Variants in CBR4 observed in about 807,000 individuals in gnomAD.
CBR4 encodes the protein carbonyl reductase 4, also known as 3-oxoacyl-[acyl-carrier-protein] reductase.
CBR4 carries 22 observed loss-of-function variants against 21.0 expected under a neutral mutation model. The observed-to-expected ratio is 1.05, with a 90% CI of 0.75 to 1.50. CBR4 has a LOEUF of 1.50. Among genes scored for constraint, CBR4 ranks in the 40% most tolerant of loss-of-function variants. The probability of loss-of-function intolerance (pLI) is 0.00; values close to 1 mark genes in which losing one functional copy is unlikely to be tolerated. For missense variants in CBR4, 302 were observed against 286.3 expected (o/e 1.05, Z -0.40); for synonymous variants, 100 against 104.4 (o/e 0.96, Z 0.26).
chr4:168,984,418 GA>G (rs200996814), downstream of CBR4, among the ~76,000 whole-genome samples: 2 of 150,138 alleles, frequency 1.3e-5, no homozygotes, highest in African/African-American at 2.4e-5. Flanking sequence ...ACAAACAAAT[GA>G]AAAAAAAATA....
chr4:168,966,458 T>G (rs1578951373), intron 2 of CBR4, among the ~76,000 whole-genome samples: 89 of 122,128 alleles, frequency 7.3e-4, no homozygotes, highest in Admixed American at 1.6e-3. Context: ...ACCCGGGAGG[T>G]GGAGCTTGCA....
chr4:168,926,333 A>ACCCATCTCACCTGACACTGAATACTGC (rs1762575972), intron 2 of CBR4: 11 of 1,537,288 alleles, frequency 7.2e-6, no homozygotes, highest in Non-Finnish European at 9.6e-6. Flanking sequence ...CCTGAGGCCA[A>ACCCATCTCACCTGACACTGAATACTGC]CCCATCTCAC....
intron 2 of CBR4, among the ~76,000 whole-genome samples, chr4:168,931,903 C>G (rs1713095713): frequency 6.6e-6 from 1 of 151,638 alleles, no homozygotes; most frequent in African/African-American, 2.4e-5. Context: ...GCCAACACAC[C>G]CCCCCTAACT....
intron 2 of CBR4, among the ~76,000 whole-genome samples, chr4:168,935,230 C>T (rs955223958): frequency 2.0e-5 from 3 of 152,200 alleles, no homozygotes; most frequent in South Asian, 2.1e-4. Flanking sequence ...CCATGAGGGA[C>T]GGTGCATTCC....
At chr4:168,993,495 G>A (rs1765025122) in intron 4 of CBR4, among the ~76,000 whole-genome samples, 1 of 152,192 alleles carries the variant, frequency 6.6e-6, no homozygotes, top group South Asian at 2.1e-4. Flanking sequence ...ACAGGCGTGA[G>A]CCACTGTGCC....
chr4:168,899,526 T>C (rs1755991197), intron 2 of CBR4, among the ~76,000 whole-genome samples: 1 of 152,198 alleles, frequency 6.6e-6, no homozygotes, highest in Admixed American at 6.5e-5. Context: ...TTGCCTTATA[T>C]AAAGGTAATA....
At chr4:168,903,808 A>C in intron 2 of CBR4, 2 of 1,611,636 alleles carry the variant, frequency 1.2e-6, no homozygotes, top group Non-Finnish European at 1.7e-6. Context: ...TGATCACTAC[A>C]CCATTCAAAG....
chr4:168,903,124 A>T (rs1019899205), intron 2 of CBR4, among the ~76,000 whole-genome samples: 1 of 152,118 alleles, frequency 6.6e-6, no homozygotes, highest in African/African-American at 2.4e-5. Context: ...TTTCAATACT[A>T]CTGTGTTTTC....
intron 2 of CBR4, among the ~76,000 whole-genome samples, chr4:168,948,530 G>C (rs1046423555): frequency 6.6e-6 from 1 of 152,110 alleles, no homozygotes; most frequent in African/African-American, 2.4e-5. Context: ...TCCATCTTGA[G>C]TTGATTTTTG....
chr4:168,929,674 A>G (rs1477798598), intron 2 of CBR4, among the ~76,000 whole-genome samples: 1 of 152,186 alleles, frequency 6.6e-6, no homozygotes, highest in East Asian at 1.9e-4. Flanking sequence ...TTTGAATCCT[A>G]GCTCTTTTGA....
At chr4:168,971,853 T>C (rs77305669) in intron 2 of CBR4, among the ~76,000 whole-genome samples, 220 of 152,348 alleles carry the variant, frequency 1.4e-3, no homozygotes, top group Non-Finnish European at 1.9e-3. Context: ...TCCTTGGCCA[T>C]GAACTCTTTA....
chr4:168,928,055 C>CA (rs1459185173), intron 2 of CBR4: 2 of 195,718 alleles, frequency 1.0e-5, no homozygotes, highest in Non-Finnish European at 2.1e-5. Context: ...TTTGTAAGAA[C>CA]ACCAACCAAC....
intron 2 of CBR4, chr4:168,926,099 G>GGAT (rs1267232081): frequency 5.0e-6 from 4 of 806,138 alleles, no homozygotes; most frequent in Admixed American, 3.2e-5. Flanking sequence ...TTTCTACCAT[G>GGAT]GATGTGTTCA....
intron 4 of CBR4, among the ~76,000 whole-genome samples, chr4:168,992,864 C>T (rs758318169): frequency 7.2e-5 from 11 of 152,126 alleles, no homozygotes; most frequent in Non-Finnish European, 1.0e-4. Context: ...CCTGGAATAA[C>T]AAAACTAATT....
intron 2 of CBR4, among the ~76,000 whole-genome samples, chr4:168,964,499 A>C (rs145656324): frequency 1.3e-5 from 2 of 152,218 alleles, no homozygotes; most frequent in Non-Finnish European, 2.9e-5. Context: ...TTTGGTAAGC[A>C]GTGGTAAAAA....
intron 4 of CBR4, among the ~76,000 whole-genome samples, chr4:168,997,884 CT>C (rs1375977351): frequency 5.9e-5 from 9 of 152,250 alleles, no homozygotes; most frequent in Admixed American, 3.3e-4. Context: ...CAACCCAACA[CT>C]TTTCTAAGGG....
intron 4 of CBR4, among the ~76,000 whole-genome samples, chr4:168,995,998 A>T (rs1167436671): frequency 6.6e-6 from 1 of 152,202 alleles, no homozygotes; most frequent in Admixed American, 6.5e-5. Flanking sequence ...AACAGGAATG[A>T]TGATGTTCAG....
intron 2 of CBR4, among the ~76,000 whole-genome samples, chr4:168,955,659 A>C (rs1763663543): frequency 6.6e-6 from 1 of 152,208 alleles, no homozygotes; most frequent in Non-Finnish European, 1.5e-5. Context: ...TCCTGTAGGA[A>C]TATATCCCCA....
chr4:168,920,313 C>A (rs1761190080), intron 2 of CBR4, among the ~76,000 whole-genome samples: 1 of 152,198 alleles, frequency 6.6e-6, no homozygotes, highest in African/African-American at 2.4e-5. Flanking sequence ...TTTAAGTTTA[C>A]TTTAAATGCT....
Sources: gnomAD v4.1 joint callset for allele counts (sites outside exome capture counted in the v4.1 genomes callset) on GRCh38, gnomAD v4.1.1 for gene constraint, MANE v1.5 for transcripts, NCBI Gene and HGNC (gene_info 2026-07-23, HGNC 2026-07-21) for gene names.